DYNC2H1: variants seen among roughly 807,000 people sequenced by gnomAD.
DYNC2H1 encodes dynein cytoplasmic 2 heavy chain 1, also known as cytoplasmic dynein 2 heavy chain 1.
DYNC2H1 carries 410 observed loss-of-function variants against 570.0 expected under a neutral mutation model. The observed-to-expected ratio is 0.72, with a 90% confidence interval of 0.66 to 0.78. The LOEUF (loss-of-function observed/expected upper bound fraction) is 0.78. Among genes scored for constraint, DYNC2H1 ranks in the 30% least tolerant of loss-of-function variants. DYNC2H1 has a pLI of 0.00. For missense variants in DYNC2H1, 4,865 were observed against 5,046.4 expected (o/e 0.96, Z 1.09); for synonymous variants, 1,688 against 1,677.6 (o/e 1.01, Z -0.15).
Position 103,439,718 on chromosome 11 carries a change from C to T in DYNC2H1, c.12456+3686C>T, listed in dbSNP as rs900412834. On this transcript the variant is annotated intron_variant, in intron 85 of 88. Transcript: ENST00000375735. This position sits in a 1 kb window ranked among gnomAD's most constrained non-coding sequence, Gnocchi z 4.1. ...TTCACTCTCTGGTTTCTGTAAGATC[C>T]TTTAGAGCAAAGATCTTAAAAAAAA... 1.3e-5 allele frequency among the ~76,000 whole-genome samples: 2 copies of T among 151,828 alleles called. No individual in the cohort carries two copies. The highest frequency in any genetic ancestry group is 1.5e-5 in the Non-Finnish European group (1 of 67,936).
intron 21 of DYNC2H1, 54 bp downstream of exon 21, chr11:103,152,339 T>A: frequency 6.7e-7 from 1 of 1,491,400 alleles, no homozygotes; most frequent in Non-Finnish European, 9.0e-7. Flanking sequence ...TACTTAAGAT[T>A]TCTTGCTTAT....
intron 82 of DYNC2H1, among the ~76,000 whole-genome samples, chr11:103,327,298 A>G (rs944334246): frequency 5.9e-5 from 9 of 151,888 alleles, no homozygotes; most frequent in African/African-American, 2.2e-4. Context: ...AGCCCTCTCT[A>G]TTTTAATGTT....
chr11:103,445,667 T>C (rs1020604213), intron 85 of DYNC2H1, among the ~76,000 whole-genome samples: 3 of 152,220 alleles, frequency 2.0e-5, no homozygotes, highest in African/African-American at 7.2e-5. Flanking sequence ...GTTGTTGTTT[T>C]TTGAGACGGA....
chr11:103,465,519 T>C lies in DYNC2H1; in HGVS notation c.12649-3070T>C, dbSNP rs1945170158. Among the ~76,000 whole-genome samples the C allele has an allele frequency of 6.6e-6, 1 of 152,102 alleles. No individual in the cohort carries two copies. The highest frequency in any genetic ancestry group is 2.4e-5 in the African/African-American group (1 of 41,410). ...GCATTTGCTCAAACTAGCTCAAAACTTAGTGGCTTAGAATACCAATTTATT... is the reference window on the plus strand; with the variant it reads ...GCATTTGCTCAAACTAGCTCAAAACCTAGTGGCTTAGAATACCAATTTATT... On this transcript the variant is annotated intron_variant, in intron 87 of 88. Coordinates refer to ENST00000375735, the MANE Select transcript of DYNC2H1 (RefSeq NM_001377.3). This position sits in a 1 kb window ranked among gnomAD's most constrained non-coding sequence, Gnocchi z 4.9.
chr11:103,140,221 A>T (rs1253901516), intron 17 of DYNC2H1, among the ~76,000 whole-genome samples: 1 of 152,130 alleles, frequency 6.6e-6, no homozygotes, highest in Non-Finnish European at 1.5e-5. Context: ...ATTTAAAGTT[A>T]ATATTGTTAT....
intron 12 of DYNC2H1, 96 bp downstream of exon 12, chr11:103,125,391 C>T (rs1314449339): frequency 1.8e-5 from 16 of 887,812 alleles, no homozygotes; most frequent in Non-Finnish European, 2.4e-5. Context: ...TTTTTAGGCT[C>T]ATAGAATAGC....
rs780017956 is a variant in DYNC2H1 at position 103,204,778 on chromosome 11, G to T, written c.8312-44G>T. On this transcript the variant is annotated intron_variant, in intron 51 of 88. Transcript: ENST00000375735. The surrounding 1 kb of genome is among the most constrained non-coding windows in gnomAD (Gnocchi z 4.1). ...TTTTGATCTCTTTAACCCAGACCAC[G>T]TATAGATTGCCTGATTGTATTATTA... The T allele has an allele frequency of 5.9e-6, 9 of 1,513,974 alleles. No homozygotes were observed. Among genetic ancestry groups the T allele is most frequent in the Non-Finnish European group, 8.1e-6 (9 of 1,117,408 alleles). 93.8% of individuals were successfully genotyped at this position (1,513,974 alleles called of 1,614,324 possible).
At chr11:103,267,650 AAT>A (rs1190652388) in intron 70 of DYNC2H1, among the ~76,000 whole-genome samples, 1 of 151,976 alleles carries the variant, frequency 6.6e-6, no homozygotes, top group African/African-American at 2.4e-5. Flanking sequence ...AAAACTTTAA[AAT>A]ATTTTTAGAG....
intron 83 of DYNC2H1, among the ~76,000 whole-genome samples, chr11:103,398,722 C>G (rs1942496065): frequency 7.5e-6 from 1 of 132,472 alleles, no homozygotes. Flanking sequence ...TGATCTTTTT[C>G]TTTTAATTAT....
chr11:103,436,475 T>A (rs994973151), intron 85 of DYNC2H1, among the ~76,000 whole-genome samples: 2 of 152,016 alleles, frequency 1.3e-5, no homozygotes, highest in African/African-American at 2.4e-5. Flanking sequence ...AGTGTATTTT[T>A]AAGGAATAGT....
chr11:103,127,901 TGAA>T (rs1859078221), intron 12 of DYNC2H1, among the ~76,000 whole-genome samples: 1 of 152,152 alleles, frequency 6.6e-6, no homozygotes, highest in Admixed American at 6.5e-5. Context: ...ATAAATGCCT[TGAA>T]GAAGAATAAA....
At chr11:103,212,005 C>G (rs1863175570) in intron 54 of DYNC2H1, 62 bp downstream of exon 54, 10 of 1,344,664 alleles carry the variant, frequency 7.4e-6, no homozygotes, top group Non-Finnish European at 9.6e-6. Flanking sequence ...TTTTGTAAAT[C>G]ACAATGCTAT....
At chr11:103,318,464 T>C (rs1025733813) in intron 80 of DYNC2H1, among the ~76,000 whole-genome samples, 2 of 152,322 alleles carry the variant, frequency 1.3e-5, no homozygotes, top group African/African-American at 4.8e-5. Context: ...CAGCTATGTG[T>C]TTGCATTTAG....
rs1394126435 is a variant in DYNC2H1 at position 103,286,400 on chromosome 11, T to C, written c.11022+14T>C. ...TTATTTCAGCAGGTAAAATTTAGTG[T>C]TATCTAAATGCAAAAAAGTGTTTAA... On this transcript the variant is annotated intron_variant, in intron 74 of 88. Transcript: ENST00000375735. The C allele has an allele frequency of 6.2e-7, 1 of 1,606,366 alleles. No homozygotes were observed. Among genetic ancestry groups the C allele is most frequent in the Non-Finnish European group, 8.5e-7 (1 of 1,177,846 alleles).
chr11:103,234,794 G>A (rs772129172), intron 61 of DYNC2H1, among the ~76,000 whole-genome samples: 7 of 151,820 alleles, frequency 4.6e-5, no homozygotes, highest in African/African-American at 4.8e-5. Flanking sequence ...TTAGACATTT[G>A]CATTTAATTG....
At position 103,423,408 on chromosome 11, in the gene DYNC2H1, TAAA is replaced by T. The variant is rs60223334; in HGVS notation, c.12367-12507_12367-12505del. ...ATTAAATAGCCAAAAGCCAAAAAAG[TAAA>T]AAAAAAAAAAAAAAAAAAAAAAAAA... On this transcript the variant is annotated intron_variant, in intron 84 of 88. Coordinates refer to ENST00000375735, the MANE Select transcript of DYNC2H1 (RefSeq NM_001377.3). Among the ~76,000 whole-genome samples the T allele has an allele frequency of 2.9e-3, 346 of 120,456 alleles. 3 individuals carry two copies. The highest frequency in any genetic ancestry group is 8.6e-3 in the African/African-American group (317 of 36,676). 79.0% of individuals were successfully genotyped at this position (120,456 alleles called of 152,430 possible). A position where few individuals can be genotyped will look rare whatever the true frequency, so the allele number is the denominator to read the frequency against.
intron 54 of DYNC2H1, among the ~76,000 whole-genome samples, chr11:103,213,314 C>G (rs995841605): frequency 2.0e-5 from 3 of 152,082 alleles, no homozygotes; most frequent in Non-Finnish European, 4.4e-5. Flanking sequence ...ATCAGTGAGA[C>G]TAAAATTAGA....
intron 85 of DYNC2H1, among the ~76,000 whole-genome samples, chr11:103,444,320 A>C (rs1365345125): frequency 6.6e-6 from 1 of 152,022 alleles, no homozygotes; most frequent in Non-Finnish European, 1.5e-5. Context: ...CAACCTATAG[A>C]GCACATAAGG....
rs777562775 is a variant in DYNC2H1, at chr11:103,156,405, A to G, written c.3762A>G (p.Ala1254=). The change falls in exon 26 of 89, where the codon GCA becomes GCG. Residue 1254 remains alanine (A), a synonymous_variant. Coordinates refer to ENST00000375735, the MANE Select transcript of DYNC2H1 (RefSeq NM_001377.3). ...TTAAATAGGATTTAAATAGTCGGGC[A>G]CAAGGTGAAGTTACAATCAGAGAAG... The part of the protein sequence containing the change: ...AADLKDLNSR[A]QGEVTIREAL... The G allele has an allele frequency of 6.2e-6, 10 of 1,613,308 alleles. No homozygotes were observed. The highest frequency in any genetic ancestry group is 1.1e-5 in the South Asian group (1 of 90,934).
Sources: allele counts gnomAD v4.1 joint callset (sites outside exome capture counted in the v4.1 genomes callset), GRCh38; gene constraint gnomAD v4.1.1; non-coding constraint Gnocchi (gnomAD v3.1); transcripts MANE v1.5; gene names NCBI Gene and HGNC (gene_info 2026-07-23, HGNC 2026-07-21).